RFX7: variants seen among roughly 807,000 people sequenced by gnomAD.
The protein encoded by RFX7 is DNA-binding protein RFX7.
In RFX7, 26 loss-of-function variants were observed where a neutral mutation model predicts 111.8. The observed-to-expected ratio is 0.23, with a 90% CI of 0.17 to 0.32. The LOEUF is 0.32. Among genes scored for constraint, RFX7 ranks in the 10% least tolerant of loss-of-function variants. RFX7 has a pLI of 1.00. For synonymous variants in RFX7, 624 were observed against 624.4 expected, an observed-to-expected ratio of 1.00 and a Z score of 0.01; for missense variants, 1,573 against 1,772.9, an observed-to-expected ratio of 0.89 and a Z score of 2.02.
At position 56,202,484 on chromosome 15, in the gene RFX7, T is replaced by C. The variant is rs571424990; in HGVS notation, c.162-23181A>G. 1.4e-4 allele frequency among the ~76,000 whole-genome samples: 21 copies of C among 152,270 alleles called. No individual in the cohort carries two copies. The East Asian group carries it at 2.3e-3, about 17-fold the overall frequency. ...TACTGTACTGGACAGTGTATGTCTATGGCACAGCATGTCTCATGAGCTATA... is the reference window on the plus strand; with the variant it reads ...TACTGTACTGGACAGTGTATGTCTACGGCACAGCATGTCTCATGAGCTATA... On this transcript the variant is annotated intron_variant, in intron 2 of 9. Coordinates refer to ENST00000559447, the MANE Select transcript of RFX7 (RefSeq NM_022841.7).
chr15:56,136,563 C>T (rs1398293428), intron 5 of RFX7, among the ~76,000 whole-genome samples: 1 of 147,672 alleles, frequency 6.8e-6, no homozygotes. Flanking sequence ...CGTCTGCAAA[C>T]AGGGACAATT....
At position 56,094,854 on chromosome 15, in the gene RFX7, T is replaced by TGGAGTA. The variant is rs781310711; in HGVS notation, c.2868_2873dup (p.Pro964_Thr965dup). On this transcript the variant is annotated inframe_insertion, in exon 10 of 10. Coordinates refer to ENST00000559447, the MANE Select transcript of RFX7 (RefSeq NM_022841.7). ...CAGATGTCGGGGTTGGGGTTGGGGT[T>TGGAGTA]GGAGTAGGAGTGGGTGTGGGTGTGG... is the stretch of plus-strand genomic sequence containing the variant. 5.1e-6 allele frequency: 8 copies of TGGAGTA among 1,554,768 alleles called. No individual in the cohort carries two copies. The highest frequency in any genetic ancestry group is 1.7e-4 in the Middle Eastern group (1 of 5,932).
intron 3 of RFX7, among the ~76,000 whole-genome samples, chr15:56,145,698 A>C (rs1292029514): frequency 6.6e-6 from 1 of 151,820 alleles, no homozygotes; most frequent in Admixed American, 6.6e-5. Flanking sequence ...AGTGTGTTTA[A>C]CTCTTTTTCT....
At chr15:56,214,893 TGTAGAC>T (rs2043348741) in intron 2 of RFX7, among the ~76,000 whole-genome samples, 1 of 148,552 alleles carries the variant, frequency 6.7e-6, no homozygotes, top group Non-Finnish European at 1.5e-5. Flanking sequence ...GAGTTTTCCA[TGTAGAC>T]TAACGTATGG....
intron 5 of RFX7, among the ~76,000 whole-genome samples, chr15:56,117,782 CAT>C (rs1413666583): frequency 1.3e-5 from 2 of 152,256 alleles, no homozygotes; most frequent in African/African-American, 4.8e-5. Context: ...CAGATCCATT[CAT>C]GTTGCTGCAA....
rs545748837 is a variant in RFX7 at position 56,224,184 on chromosome 15, G to A, written c.161+18941C>T. On this transcript the variant is annotated intron_variant, in intron 2 of 9. Coordinates refer to ENST00000559447, the MANE Select transcript of RFX7 (RefSeq NM_022841.7). ...TTTTGTAAAATTTTGTAAAATGAAC[G>A]GTGCCAGTCCTGGTAAGGGAACCGT... Among the ~76,000 whole-genome samples the A allele has an allele frequency of 1.4e-4, 21 of 152,064 alleles. No individual in the cohort carries two copies. In the South Asian group the frequency reaches 2.3e-3, roughly 17 times the overall value.
intron 2 of RFX7, 111 bp downstream of exon 2, chr15:56,243,014 C>T: frequency 1.3e-6 from 1 of 762,650 alleles, no homozygotes. Flanking sequence ...AAGCCACATT[C>T]AATGAATGCA....
At position 56,088,218 on chromosome 15, in the gene RFX7, T is replaced by TA. The variant is rs1297619353; in HGVS notation, c.*5126dup. The TA allele has an allele frequency of 6.3e-6, 1 of 158,332 alleles. No individual in the cohort carries two copies. The highest frequency in any genetic ancestry group is 1.4e-5 in the Non-Finnish European group (1 of 71,762). The allele number at this position is 158,332 out of a possible 1,614,324, so 9.8% of individuals were successfully genotyped here. ...CTGCAGTAGGTACACTGTGAACACA[T>TA]ATCTTAAGTATAGCATAATGGTATG... On this transcript the variant is annotated 3_prime_UTR_variant, in exon 10 of 10. Transcript: ENST00000559447.
At chr15:56,106,934 G>C (rs1346578234) in intron 5 of RFX7, among the ~76,000 whole-genome samples, 1 of 152,250 alleles carries the variant, frequency 6.6e-6, no homozygotes, top group East Asian at 1.9e-4. Context: ...CTCAGTGTCA[G>C]ATTATACTTT....
At position 56,243,257 on chromosome 15, in the gene RFX7, G is replaced by T. The variant is rs779599629; in HGVS notation, c.29C>A (p.Pro10Gln). 11 of 1,292,254 alleles carry T rather than the reference G, an allele frequency of 8.5e-6. No individual in the cohort carries two copies. Among genetic ancestry groups the T allele is most frequent in the African/African-American group, 4.7e-5 (3 of 64,058 alleles). The allele number at this position is 1,292,254 out of a possible 1,614,324, so 80.0% of individuals were successfully genotyped here. The change falls in exon 2 of 10, where the codon CCA (proline) becomes CAA (glutamine). Residue 10 changes from proline (P) to glutamine (Q), a missense_variant. Physicochemically the swap from Pro to Gln is moderately conservative, Grantham distance 76. Coordinates refer to ENST00000559447, the MANE Select transcript of RFX7 (RefSeq NM_022841.7). The part of the protein sequence containing the change: MAEEQQQPP[P>Q]QQPDAHQQLP... ...CTGCTGATGGGCATCAGGCTGCTGTGGTGGCGGCTGTTGTTGTTCCTCTGC... is the reference window on the plus strand; with the variant it reads ...CTGCTGATGGGCATCAGGCTGCTGTTGTGGCGGCTGTTGTTGTTCCTCTGC...
intron 2 of RFX7, among the ~76,000 whole-genome samples, chr15:56,189,388 AAAAT>A (rs1378825156): frequency 6.6e-6 from 1 of 152,178 alleles, no homozygotes; most frequent in Non-Finnish European, 1.5e-5. Context: ...TCTAAAAATA[AAAAT>A]AAATCAGACC....
chr15:56,135,144 TG>T (rs1248787133), intron 5 of RFX7, among the ~76,000 whole-genome samples: 13 of 152,340 alleles, frequency 8.5e-5, no homozygotes, highest in Admixed American at 2.0e-4. Context: ...ATGGGATGGC[TG>T]GGTCAAATGG....
chr15:56,125,311 G>T (rs1172999206), intron 5 of RFX7, among the ~76,000 whole-genome samples: 1 of 152,016 alleles, frequency 6.6e-6, no homozygotes, highest in Non-Finnish European at 1.5e-5. Flanking sequence ...GTTCTTTGTG[G>T]TTAGCATTTT....
chr15:56,094,039 A>G lies in RFX7; in HGVS notation c.3689T>C (p.Val1230Ala). The change falls in exon 10 of 10, where the codon GTC becomes GCC. Residue 1230 changes from valine (V) to alanine (A), a missense_variant. By Grantham distance (64) the Val-to-Ala change is moderately conservative (BLOSUM62 0). Coordinates refer to ENST00000559447, the MANE Select transcript of RFX7 (RefSeq NM_022841.7). ...AQRSQSVPLT[V>A]MMQTAFPNAL... ...GTTTGGGAAGGCTGTCTGCATCATG[A>G]CTGTCAATGGAACTGATTGGCTTCT... 1 of 1,613,872 alleles carries G rather than the reference A, an allele frequency of 6.2e-7. No individual in the cohort carries two copies.
chr15:56,222,035 CATT>C (rs1454531002), intron 2 of RFX7, among the ~76,000 whole-genome samples: 1 of 152,174 alleles, frequency 6.6e-6, no homozygotes, highest in Admixed American at 6.5e-5. Context: ...CTTATTTTAG[CATT>C]ATTTACAGTG....
intron 3 of RFX7, 140 bp from the exon 4 acceptor site, chr15:56,144,623 A>T: frequency 3.3e-6 from 1 of 299,810 alleles, no homozygotes. Context: ...TCTCATCACT[A>T]AAATAATACA....
chr15:56,141,641 T>C lies in RFX7; in HGVS notation c.401+1137A>G, dbSNP rs1393482755. Among the ~76,000 whole-genome samples the C allele has an allele frequency of 1.3e-4, 8 of 61,262 alleles. 1 individual carries two copies. Among genetic ancestry groups the C allele is most frequent in the Non-Finnish European group, 2.4e-4 (8 of 33,588 alleles). 40.2% of individuals were successfully genotyped at this position (61,262 alleles called of 152,430 possible). ...TAACTAACTTGAATTTAATGAAGAA[T>C]CTATGCTTACTCTAAATATATATAT... On this transcript the variant is annotated intron_variant, in intron 5 of 9. Coordinates refer to ENST00000559447, the MANE Select transcript of RFX7 (RefSeq NM_022841.7).
At chr15:56,192,819 T>C (rs2043112800) in intron 2 of RFX7, 1 of 224,306 alleles carries the variant, frequency 4.5e-6, no homozygotes, top group Non-Finnish European at 9.7e-6. Flanking sequence ...GGTGGTAGCA[T>C]TGGCTATGCT....
chr15:56,182,675 AT>A (rs1260785865), intron 2 of RFX7, among the ~76,000 whole-genome samples: 1 of 152,170 alleles, frequency 6.6e-6, no homozygotes, highest in African/African-American at 2.4e-5. Context: ...CTTAAATGAA[AT>A]TCATTCATTT....
Sources: gnomAD v4.1 joint callset for allele counts (sites outside exome capture counted in the v4.1 genomes callset) on GRCh38, gnomAD v4.1.1 for gene constraint, MANE v1.5 for transcripts, NCBI Gene and HGNC (gene_info 2026-07-23, HGNC 2026-07-21) for gene names.